The following SLC24A2 variants were observed in gnomAD, a reference collection of about 807,000 sequenced individuals.
SLC24A2 encodes solute carrier family 24 member 2.
SLC24A2 carries 36 observed loss-of-function variants against 62.0 expected under a neutral mutation model. That is an observed-to-expected ratio of 0.58 (90% CI 0.44 to 0.77). The LOEUF (loss-of-function observed/expected upper bound fraction) is 0.77, where lower values mean the gene tolerates loss of function less well. Ranked by LOEUF, SLC24A2 falls within the 30% of genes least tolerant of loss-of-function variation. The probability of loss-of-function intolerance (pLI) is 0.00; values close to 1 mark genes in which losing one functional copy is unlikely to be tolerated. For synonymous variants in SLC24A2, 358 were observed against 294.0 expected (o/e 1.22, Z -2.23); for missense variants, 846 against 817.9 (o/e 1.03, Z -0.42).
At chr9:20,039,558 G>A in the SLC24A2 span, among the ~76,000 whole-genome samples, 1 of 151,976 alleles carries the variant, frequency 6.6e-6, no homozygotes, top group African/African-American at 2.4e-5. Flanking sequence ...GAGGGCAGGA[G>A]GTTGGCATTG....
the SLC24A2 span, among the ~76,000 whole-genome samples, chr9:20,298,748 T>C: frequency 6.6e-6 from 1 of 152,244 alleles, no homozygotes; most frequent in Non-Finnish European, 1.5e-5. Flanking sequence ...CTGAGGAAGA[T>C]ACAACTACTA....
At chr9:20,149,469 G>A in the SLC24A2 span, among the ~76,000 whole-genome samples, 1 of 151,576 alleles carries the variant, frequency 6.6e-6, no homozygotes, top group African/African-American at 2.4e-5. Context: ...TCTAAGATCA[G>A]AGATTGGCAA....
the SLC24A2 span, among the ~76,000 whole-genome samples, chr9:19,830,597 T>C: frequency 6.6e-6 from 1 of 152,192 alleles, no homozygotes; most frequent in African/African-American, 2.4e-5. Flanking sequence ...TGAAATTGAC[T>C]GAATCTTCCA....
chr9:19,622,174 G>T, intron 3 of SLC24A2, 87 bp downstream of exon 3: 3 of 1,041,424 alleles, frequency 2.9e-6, no homozygotes, highest in South Asian at 1.3e-5. Flanking sequence ...GTAATGTGTT[G>T]AGCACACAAA....
intron 4 of SLC24A2, among the ~76,000 whole-genome samples, chr9:19,597,605 G>A (rs1476066244): frequency 6.6e-6 from 1 of 152,148 alleles, no homozygotes; most frequent in Non-Finnish European, 1.5e-5. Context: ...AATTTTTATA[G>A]AGGTGACACT....
At chr9:20,289,063 A>C in the SLC24A2 span, among the ~76,000 whole-genome samples, 1 of 152,116 alleles carries the variant, frequency 6.6e-6, no homozygotes, top group African/African-American at 2.4e-5. Context: ...CAGTCACCCC[A>C]GCTGACATTA....
chr9:19,548,121 C>G (rs565821381), intron 8 of SLC24A2, among the ~76,000 whole-genome samples: 3 of 151,646 alleles, frequency 2.0e-5, no homozygotes, highest in Non-Finnish European at 4.4e-5. Context: ...CATGGCTCTC[C>G]ACTAGGCTGC....
At chr9:19,765,153 A>T (rs946491446) in intron 2 of SLC24A2, among the ~76,000 whole-genome samples, 24 of 151,952 alleles carry the variant, frequency 1.6e-4, no homozygotes, top group African/African-American at 5.1e-4. Context: ...TGCTTAGTAA[A>T]TCTTCCTGCA....
the SLC24A2 span, among the ~76,000 whole-genome samples, chr9:19,914,303 A>G: frequency 6.6e-6 from 1 of 152,068 alleles, no homozygotes; most frequent in African/African-American, 2.4e-5. Context: ...CCTAGGATCC[A>G]TACTGGATCT....
At chr9:19,740,474 A>G (rs899213031) in intron 2 of SLC24A2, among the ~76,000 whole-genome samples, 3 of 152,340 alleles carry the variant, frequency 2.0e-5, no homozygotes, top group Middle Eastern at 3.4e-3. Flanking sequence ...GTCAAACCCC[A>G]AAATGCACAT....
At chr9:20,082,488 C>G in the SLC24A2 span, among the ~76,000 whole-genome samples, 2 of 152,250 alleles carry the variant, frequency 1.3e-5, no homozygotes, top group Admixed American at 6.5e-5. Context: ...ATCCACTATT[C>G]TCATCGCATC....
chr9:20,183,445 T>G, the SLC24A2 span, among the ~76,000 whole-genome samples: 7 of 152,232 alleles, frequency 4.6e-5, no homozygotes, highest in African/African-American at 1.7e-4. Context: ...AACTAAACTA[T>G]ATTGCTTACT....
chr9:19,611,191 A>C (rs953870262), intron 4 of SLC24A2, among the ~76,000 whole-genome samples: 2 of 152,182 alleles, frequency 1.3e-5, no homozygotes, highest in South Asian at 2.1e-4. Flanking sequence ...AACATGTGTA[A>C]GGGCCCTGAG....
At chr9:19,845,948 G>T in the SLC24A2 span, among the ~76,000 whole-genome samples, 1 of 151,818 alleles carries the variant, frequency 6.6e-6, no homozygotes, top group East Asian at 1.9e-4. Flanking sequence ...TGTGGCCTGA[G>T]AATATGTTTG....
chr9:19,529,750 CGT>C (rs1491430530), intron 8 of SLC24A2, among the ~76,000 whole-genome samples: 9 of 137,238 alleles, frequency 6.6e-5, no homozygotes, highest in South Asian at 5.7e-4. Context: ...TGGAGACCTT[CGT>C]TTTTTTTTTT....
chr9:19,641,229 T>C (rs900882765), intron 2 of SLC24A2, among the ~76,000 whole-genome samples: 3 of 152,218 alleles, frequency 2.0e-5, no homozygotes, highest in Non-Finnish European at 4.4e-5. Flanking sequence ...TTTACTGACT[T>C]CTCAGTCTTG....
chr9:20,003,890 C>CA, the SLC24A2 span, among the ~76,000 whole-genome samples: 4 of 132,628 alleles, frequency 3.0e-5, no homozygotes, highest in African/African-American at 9.1e-5. Flanking sequence ...GGATGTTTAA[C>CA]GAAAAAAAAA....
chr9:19,917,157 A>G, the SLC24A2 span, among the ~76,000 whole-genome samples: 1 of 151,342 alleles, frequency 6.6e-6, no homozygotes, highest in Admixed American at 6.6e-5. Flanking sequence ...CAAAGGGACC[A>G]CAGACATTTA....
At chr9:19,653,731 G>A (rs1349520305) in intron 2 of SLC24A2, among the ~76,000 whole-genome samples, 1 of 152,084 alleles carries the variant, frequency 6.6e-6, no homozygotes, top group East Asian at 1.9e-4. Context: ...ACAATGCCTG[G>A]CATATAGTAG....
Sources: allele counts gnomAD v4.1 joint callset (sites outside exome capture counted in the v4.1 genomes callset), GRCh38; gene constraint gnomAD v4.1.1; transcripts MANE v1.5; gene names NCBI Gene and HGNC (gene_info 2026-07-23, HGNC 2026-07-21).